TENM3: variants seen among roughly 807,000 people sequenced by gnomAD.
TENM3 encodes the protein teneurin-3.
A neutral mutation model predicts 255.1 loss-of-function variants in TENM3; 63 were observed. That is an observed-to-expected ratio of 0.25 (90% CI 0.20 to 0.30). TENM3 has a LOEUF of 0.30. TENM3 is among the 10% of genes least tolerant of loss of function. The pLI, the probability that TENM3 is intolerant of heterozygous loss-of-function variation, is 1.00. For synonymous variants in TENM3, 1,306 were observed against 1,322.3 expected (o/e 0.99, Z 0.27); for missense variants, 2,929 against 3,461.1 (o/e 0.85, Z 3.86).
chr4:182,689,624 G>C (rs773585050), intron 12 of TENM3, among the ~76,000 whole-genome samples: 26 of 152,190 alleles, frequency 1.7e-4, no homozygotes, highest in Non-Finnish European at 3.7e-4. Context: ...CCATGCACAG[G>C]CTTCCTATCT....
chr4:181,634,292 G>A, the TENM3 span, among the ~76,000 whole-genome samples: 1 of 151,698 alleles, frequency 6.6e-6, no homozygotes, highest in Non-Finnish European at 1.5e-5. Flanking sequence ...CATAAATGTG[G>A]CATTCTTTCT....
the TENM3 span, among the ~76,000 whole-genome samples, chr4:181,482,364 T>C: frequency 5.3e-5 from 8 of 152,114 alleles, no homozygotes; most frequent in African/African-American, 1.9e-4. Context: ...CCTGTAAATA[T>C]TTTGCTGTTC....
intron 3 of TENM3, among the ~76,000 whole-genome samples, chr4:182,576,703 G>A (rs7670017): frequency 0.1 from 15,765 of 152,024 alleles, 1,035 homozygotes; most frequent in Non-Finnish European, 0.14. Flanking sequence ...CAGGGCTTTC[G>A]TTTATACACT....
At chr4:181,682,708 G>T in the TENM3 span, among the ~76,000 whole-genome samples, 1 of 152,132 alleles carries the variant, frequency 6.6e-6, no homozygotes, top group Non-Finnish European at 1.5e-5. Flanking sequence ...TAAGTAGAAT[G>T]AATTAAATTT....
At chr4:182,778,643 A>G (rs1385601113) in intron 24 of TENM3, among the ~76,000 whole-genome samples, 2 of 152,202 alleles carry the variant, frequency 1.3e-5, no homozygotes, top group Admixed American at 6.5e-5. Context: ...GTGTAGCGTC[A>G]TATTCTTTTC....
chr4:182,727,656 T>A (rs1429579372), intron 13 of TENM3, among the ~76,000 whole-genome samples: 1 of 152,120 alleles, frequency 6.6e-6, no homozygotes, highest in Non-Finnish European at 1.5e-5. Flanking sequence ...ATTCTTCTCA[T>A]CCATTATTCC....
chr4:182,252,949 C>T (rs1211240568), intron 1 of TENM3, among the ~76,000 whole-genome samples: 7 of 152,162 alleles, frequency 4.6e-5, no homozygotes. Flanking sequence ...GAGCAAGGAT[C>T]TGGACCCAGG....
chr4:182,395,989 T>C (rs1398683614), intron 3 of TENM3, among the ~76,000 whole-genome samples: 1 of 152,238 alleles, frequency 6.6e-6, no homozygotes, highest in Non-Finnish European at 1.5e-5. Flanking sequence ...TTTTATACTA[T>C]AAGCAGTTGT....
At chr4:181,703,265 G>T in the TENM3 span, among the ~76,000 whole-genome samples, 1 of 152,186 alleles carries the variant, frequency 6.6e-6, no homozygotes, top group Non-Finnish European at 1.5e-5. Flanking sequence ...GCATAGAAAT[G>T]GCAGGATCCC....
chr4:182,680,572 G>A lies in TENM3; in HGVS notation c.1669G>A (p.Gly557Arg), dbSNP rs372715753. 4 of 1,613,508 alleles carry A rather than the reference G, an allele frequency of 2.5e-6. No homozygotes were observed. The highest frequency in any genetic ancestry group is 2.2e-5 in the East Asian group (1 of 44,876). Reference protein sequence around the residue: ...AACPVLCSGNGQYSKGRCLCF... With the variant: ...AACPVLCSGNRQYSKGRCLCF... ...CTGTCCAGTGTTATGTAGTGGCAACGGGCAGTACTCCAAGGGCCGCTGCCT... is the reference window on the plus strand; with the variant it reads ...CTGTCCAGTGTTATGTAGTGGCAACAGGCAGTACTCCAAGGGCCGCTGCCT... The change falls in exon 10 of 28, where the codon GGG (glycine) becomes AGG (arginine). Residue 557 changes from glycine to arginine, a missense_variant. By Grantham distance (125) the Gly-to-Arg change is moderately radical. Transcript: ENST00000511685.
intron 4 of TENM3, among the ~76,000 whole-genome samples, chr4:182,621,505 G>A (rs1750138285): frequency 2.3e-5 from 1 of 42,558 alleles, no homozygotes; most frequent in Non-Finnish European, 4.7e-5. Flanking sequence ...GCTCATGCCT[G>A]TAATCCCAGC....
chr4:182,481,589 G>A (rs986581930), intron 3 of TENM3, among the ~76,000 whole-genome samples: 30 of 151,850 alleles, frequency 2.0e-4, no homozygotes, highest in African/African-American at 4.3e-4. Context: ...GAGCTCAGGC[G>A]TTCACGACCG....
At chr4:182,010,045 G>T in the TENM3 span, among the ~76,000 whole-genome samples, 3 of 147,642 alleles carry the variant, frequency 2.0e-5, no homozygotes, top group Admixed American at 2.0e-4. Flanking sequence ...GTTCTGATGA[G>T]TGAACCTGGA....
At chr4:181,883,456 T>C in the TENM3 span, among the ~76,000 whole-genome samples, 2 of 152,168 alleles carry the variant, frequency 1.3e-5, no homozygotes, top group Non-Finnish European at 2.9e-5. Context: ...TCACAAAGAA[T>C]TGGAGGCAAT....
chr4:182,393,690 T>C lies in TENM3; in HGVS notation c.511+46761T>C, dbSNP rs149810243. 3.5e-3 allele frequency among the ~76,000 whole-genome samples: 534 copies of C among 152,304 alleles called. 3 individuals carry two copies. Among genetic ancestry groups the C allele is most frequent in the African/African-American group, 0.012 (480 of 41,578 alleles). ...CCTTTGCATTGATATTATTTTTAAA[T>C]ACCATCTAATATCCTGTTATGGATT... On this transcript the variant is annotated intron_variant, in intron 3 of 27. Transcript: ENST00000511685.
At chr4:182,428,990 C>A (rs1771432006) in intron 3 of TENM3, among the ~76,000 whole-genome samples, 3 of 152,082 alleles carry the variant, frequency 2.0e-5, no homozygotes, top group Admixed American at 2.0e-4. Context: ...CAGTATTTCC[C>A]AGTGTTAGGA....
chr4:181,813,988 G>C, the TENM3 span, among the ~76,000 whole-genome samples: 48,080 of 151,876 alleles, frequency 0.32, 7,959 homozygotes, highest in Admixed American at 0.48. Context: ...TAATGAAGAA[G>C]AAATATGTAG....
intron 3 of TENM3, among the ~76,000 whole-genome samples, chr4:182,465,517 G>A (rs891833026): frequency 2.0e-5 from 3 of 152,092 alleles, no homozygotes; most frequent in African/African-American, 4.8e-5. Flanking sequence ...AAAAATTTCT[G>A]TTGTTTGTAA....
At chr4:181,800,210 ATCTGTGTAT>A in the TENM3 span, among the ~76,000 whole-genome samples, 1 of 152,214 alleles carries the variant, frequency 6.6e-6, no homozygotes, top group South Asian at 2.1e-4. Context: ...TAACCAGGAT[ATCTGTGTAT>A]TCTACGTAGA....
Sources: gnomAD v4.1 joint callset for allele counts (sites outside exome capture counted in the v4.1 genomes callset) on GRCh38, gnomAD v4.1.1 for gene constraint, MANE v1.5 for transcripts, NCBI Gene and HGNC (gene_info 2026-07-23, HGNC 2026-07-21) for gene names.